The following SNX18 variants were observed in gnomAD, a reference collection of about 807,000 sequenced individuals.
SNX18 encodes sorting nexin-18.
In SNX18, 35 loss-of-function variants were observed where a neutral mutation model predicts 48.7. The ratio of observed to expected loss-of-function variants is 0.72; its 90% CI spans 0.55 to 0.95. The LOEUF (loss-of-function observed/expected upper bound fraction) is 0.95. Among genes scored for constraint, SNX18 ranks in the 40% least tolerant of loss-of-function variants. The probability of loss-of-function intolerance (pLI) is 0.00; values close to 1 mark genes in which losing one functional copy is unlikely to be tolerated. For missense variants in SNX18, 824 were observed against 871.0 expected (o/e 0.95, Z 0.68); for synonymous variants, 492 against 384.7 (o/e 1.28, Z -3.26).
chr5:54,585,742 G>A, the SNX18 span, among the ~76,000 whole-genome samples: 4 of 152,006 alleles, frequency 2.6e-5, no homozygotes, highest in African/African-American at 9.7e-5. Context: ...GGTGGCTCAC[G>A]CCTGTAATCC....
chr5:54,590,695 C>T, the SNX18 span, among the ~76,000 whole-genome samples: 1 of 152,148 alleles, frequency 6.6e-6, no homozygotes, highest in African/African-American at 2.4e-5. Flanking sequence ...AAGGAAAATA[C>T]ATTTTTGAAA....
the SNX18 span, among the ~76,000 whole-genome samples, chr5:54,607,215 C>T: frequency 1.3e-5 from 2 of 152,264 alleles, no homozygotes; most frequent in South Asian, 4.2e-4. Context: ...GATAAGAAAG[C>T]CTGGGTTCTT....
the SNX18 span, among the ~76,000 whole-genome samples, chr5:54,566,780 C>T: frequency 6.6e-6 from 1 of 152,188 alleles, no homozygotes; most frequent in Non-Finnish European, 1.5e-5. Flanking sequence ...GAGGCATTAC[C>T]CCAGGTCCCC....
At chr5:54,639,808 G>A in the SNX18 span, among the ~76,000 whole-genome samples, 5 of 142,582 alleles carry the variant, frequency 3.5e-5, no homozygotes, top group Non-Finnish European at 7.6e-5. Context: ...TTTCTGAAGG[G>A]GCCTCCTGGG....
At chr5:54,525,403 C>T (rs931601682) in intron 1 of SNX18, among the ~76,000 whole-genome samples, 1 of 151,886 alleles carries the variant, frequency 6.6e-6, no homozygotes, top group Non-Finnish European at 1.5e-5. Flanking sequence ...ATTAAGGGCG[C>T]TCTCCTTTGA....
chr5:54,534,243 T>TC (rs1298035133), intron 1 of SNX18, among the ~76,000 whole-genome samples: 1 of 151,628 alleles, frequency 6.6e-6, no homozygotes, highest in African/African-American at 2.4e-5. Context: ...TTTTCTTTTT[T>TC]TTTTTTTTAA....
Position 54,544,607 on chromosome 5 carries a change from G to A in SNX18, c.*1175G>A, listed in dbSNP as rs1323256561. On this transcript the variant is annotated 3_prime_UTR_variant, in exon 2 of 2. Coordinates refer to ENST00000381410, the MANE Select transcript of SNX18 (RefSeq NM_001102575.2). ...GAAAAAGATAATTGATTTATACTAT[G>A]TTTTAAAAAAAAAAAAGGTATTGAT... 1 of 81,166 alleles carries A rather than the reference G, an allele frequency of 1.2e-5. No homozygotes were observed. Among genetic ancestry groups the A allele is most frequent in the Non-Finnish European group, 2.8e-5 (1 of 35,474 alleles). The allele number at this position is 81,166 out of a possible 1,614,324, so 5.0% of individuals were successfully genotyped here.
the SNX18 span, among the ~76,000 whole-genome samples, chr5:54,572,773 TA>T: frequency 5.3e-5 from 5 of 95,150 alleles, no homozygotes; most frequent in East Asian, 5.4e-4. Flanking sequence ...TATATATATA[TA>T]TTTTTTTTTT....
chr5:54,524,714 C>G (rs895603808), intron 1 of SNX18, among the ~76,000 whole-genome samples: 1 of 152,204 alleles, frequency 6.6e-6, no homozygotes, highest in Non-Finnish European at 1.5e-5. Context: ...CTCTGTTTGA[C>G]AAGATTATAT....
chr5:54,633,387 T>C, the SNX18 span, among the ~76,000 whole-genome samples: 1 of 152,148 alleles, frequency 6.6e-6, no homozygotes, highest in African/African-American at 2.4e-5. Flanking sequence ...TCCTGAGTCT[T>C]GGTTTCCGCA....
the SNX18 span, among the ~76,000 whole-genome samples, chr5:54,593,567 A>G: frequency 2.6e-5 from 4 of 152,258 alleles, no homozygotes; most frequent in Admixed American, 6.5e-5. Flanking sequence ...ATATGAAAAT[A>G]CAAAGAACCT....
intron 1 of SNX18, among the ~76,000 whole-genome samples, chr5:54,528,099 TG>T (rs1174080045): frequency 6.6e-6 from 1 of 151,808 alleles, no homozygotes; most frequent in Non-Finnish European, 1.5e-5. Flanking sequence ...CACTTTATAT[TG>T]ATTCTTGGTG....
chr5:54,550,561 T>C (rs1762634673), downstream of SNX18, among the ~76,000 whole-genome samples: 2 of 152,146 alleles, frequency 1.3e-5, no homozygotes, highest in African/African-American at 4.8e-5. Context: ...ACAAAGCGAA[T>C]GTGTTTGCTT....
the SNX18 span, among the ~76,000 whole-genome samples, chr5:54,572,774 ATTTTTTTTTTTTTTTTTTTTT>A: frequency 2.6e-5 from 1 of 38,410 alleles, no homozygotes; most frequent in Non-Finnish European, 4.6e-5. Context: ...ATATATATAT[ATTTTTTTTTTTTTTTTTTTTT>A]TTTTTTTTTT....
rs1298216865 is a variant in SNX18 at position 54,518,195 on chromosome 5, G to GC, written c.249dup (p.Gly84ArgfsTer19). The GC allele has an allele frequency of 2.9e-6, 4 of 1,389,632 alleles. No homozygotes were observed. Among genetic ancestry groups the GC allele is most frequent in the Middle Eastern group, 2.2e-4 (1 of 4,540 alleles). The allele number at this position is 1,389,632 out of a possible 1,614,324, so 86.1% of individuals were successfully genotyped here. On this transcript the variant is annotated frameshift_variant, in exon 1 of 2. Coordinates refer to ENST00000381410, the MANE Select transcript of SNX18 (RefSeq NM_001102575.2). LOFTEE classifies it high-confidence loss of function. ...GCGCCCCGGCCCGCTACGCCAATGTGCCCCCCGGGGGCTTCGAGCCCCTGC... is the reference window on the plus strand; with the variant it reads ...GCGCCCCGGCCCGCTACGCCAATGTGCCCCCCCGGGGGCTTCGAGCCCCTGC...
the SNX18 span, among the ~76,000 whole-genome samples, chr5:54,552,380 A>G: frequency 2.0e-5 from 3 of 152,216 alleles, no homozygotes; most frequent in South Asian, 6.2e-4. Flanking sequence ...CCACCATCAG[A>G]GCCTTTGGAT....
At chr5:54,616,313 C>T in the SNX18 span, among the ~76,000 whole-genome samples, 48 of 152,174 alleles carry the variant, frequency 3.2e-4, 1 homozygote, top group African/African-American at 1.2e-3. Flanking sequence ...TTTCAACACC[C>T]ACTCACTGGA....
the SNX18 span, among the ~76,000 whole-genome samples, chr5:54,576,553 G>A: frequency 6.6e-6 from 1 of 152,138 alleles, no homozygotes; most frequent in Non-Finnish European, 1.5e-5. Flanking sequence ...GGCACTGGTG[G>A]GGACTAAGGA....
the SNX18 span, among the ~76,000 whole-genome samples, chr5:54,577,875 G>A: frequency 1.3e-5 from 2 of 152,234 alleles, no homozygotes. Context: ...TGGTGGGAAT[G>A]CCCAAGAATC....
Sources: allele counts gnomAD v4.1 joint callset (sites outside exome capture counted in the v4.1 genomes callset), GRCh38; gene constraint gnomAD v4.1.1; transcripts MANE v1.5; gene names NCBI Gene and HGNC (gene_info 2026-07-23, HGNC 2026-07-21).